Variants in PHKB observed in about 807,000 individuals in gnomAD.
The protein encoded by PHKB is phosphorylase kinase regulatory subunit beta, also known as phosphorylase b kinase regulatory subunit beta.
Under a neutral mutation model 152.1 loss-of-function variants are expected in PHKB, and 122 were observed. The ratio of observed to expected loss-of-function variants is 0.80; its 90% confidence interval spans 0.69 to 0.93. The LOEUF (loss-of-function observed/expected upper bound fraction) is 0.93, where lower values mean the gene tolerates loss of function less well. Among genes scored for constraint, PHKB ranks in the 40% least tolerant of loss-of-function variants. The probability of loss-of-function intolerance (pLI) is 0.00; values close to 1 mark genes in which losing one functional copy is unlikely to be tolerated. For missense variants in PHKB, 1,304 were observed against 1,328.4 expected (o/e 0.98, Z 0.29); for synonymous variants, 436 against 464.9 (o/e 0.94, Z 0.80).
rs142123515 is a variant in PHKB, at chr16:47,684,540, G to A, written c.2631-4501G>A. On this transcript the variant is annotated intron_variant, in intron 26 of 30. Coordinates refer to ENST00000323584, the MANE Select transcript of PHKB (RefSeq NM_000293.3). ...CCAGCACTCTGGGAGGCCAAGGTAG[G>A]CGGATCACGAGGTCAGGAAATCAAG... Among the ~76,000 whole-genome samples, 73 of 152,268 alleles carry A rather than the reference G, an allele frequency of 4.8e-4. 1 individual carries two copies. The highest frequency in any genetic ancestry group is 1.5e-3 in the African/African-American group (64 of 41,560).
intron 6 of PHKB, among the ~76,000 whole-genome samples, chr16:47,542,691 A>G (rs905393686): frequency 2.0e-5 from 3 of 152,074 alleles, no homozygotes; most frequent in Admixed American, 6.5e-5. Flanking sequence ...AGTGGTTTGT[A>G]GTTTTCCTTA....
Position 47,641,102 on chromosome 16 carries a change from A to T in PHKB, c.1514+12A>T, listed in dbSNP as rs373744057. The T allele has an allele frequency of 3.1e-6, 5 of 1,612,172 alleles. No individual in the cohort carries two copies. Among genetic ancestry groups the T allele is most frequent in the Non-Finnish European group, 3.4e-6 (4 of 1,178,350 alleles). On this transcript the variant is annotated intron_variant, in intron 15 of 30. Transcript: ENST00000323584. Reference sequence around the variant, plus strand: ...GCAGAAAGCCAAAGGTATGAAATCCAAGTGGGTGGTGTGTTTTTTTGTGGG... The same window carrying T: ...GCAGAAAGCCAAAGGTATGAAATCCTAGTGGGTGGTGTGTTTTTTTGTGGG...
At chr16:47,525,677 G>A (rs535306173) in intron 6 of PHKB, among the ~76,000 whole-genome samples, 12 of 152,030 alleles carry the variant, frequency 7.9e-5, no homozygotes, top group Non-Finnish European at 1.5e-4. Context: ...CGAAAACAAC[G>A]CAATGATGAA....
intron 29 of PHKB, 30 bp from the exon 30 acceptor site, chr16:47,698,418 T>C (rs771917921): frequency 1.3e-6 from 2 of 1,557,660 alleles, no homozygotes; most frequent in Non-Finnish European, 1.8e-6. Context: ...ATGGTTCATA[T>C]AGTTGGCTTT....
In PHKB at chr16:47,463,783, C is replaced by G. The variant is rs961696616; in HGVS notation, c.76+2357C>G. 8.8e-6 allele frequency: 6 copies of G among 681,348 alleles called. No individual in the cohort carries two copies. The African/African-American group carries it at 9.0e-5, about 10-fold the overall frequency. 42.2% of individuals were successfully genotyped at this position (681,348 alleles called of 1,614,324 possible). A position where few individuals can be genotyped will look rare whatever the true frequency, so the allele number is the denominator to read the frequency against. On this transcript the variant is annotated intron_variant, in intron 1 of 30. Transcript: ENST00000323584. The stretch of plus-strand genomic sequence containing the variant: ...AAGAGAAAATAAAATTATAATGATC[C>G]TCAGTTACTGCCTTTGTTGCATACT...
chr16:47,693,494 A>T lies in PHKB; in HGVS notation c.2882A>T (p.Lys961Met), dbSNP rs371541668. 152 of 1,613,962 alleles carry T rather than the reference A, an allele frequency of 9.4e-5. No homozygotes were observed. Among genetic ancestry groups the T allele is most frequent in the South Asian group, 2.9e-4 (26 of 91,088 alleles). ...RTPNGIIVAG[K>M]HLPQQPTLSD... is the part of the protein sequence containing the mutation. ...CCCAATGGGATCATTGTTGCTGGGAAGCATTTGCCTCAGGTAAAGCCCCAC... is the reference window on the plus strand; with the variant it reads ...CCCAATGGGATCATTGTTGCTGGGATGCATTTGCCTCAGGTAAAGCCCCAC... The change falls in exon 28 of 31, where the codon AAG (lysine) becomes ATG (methionine). Residue 961 changes from lysine to methionine, a missense_variant. Physicochemically the swap from Lys to Met is moderately conservative, Grantham distance 95. Coordinates refer to ENST00000323584, the MANE Select transcript of PHKB (RefSeq NM_000293.3).
intron 7 of PHKB, 68 bp downstream of exon 7, chr16:47,547,616 T>C: frequency 2.2e-6 from 2 of 898,208 alleles, no homozygotes; most frequent in Non-Finnish European, 1.8e-6. Context: ...GAAGAAATAC[T>C]GAAGCATTAG....
intron 27 of PHKB, 90 bp downstream of exon 27, chr16:47,689,265 A>T: frequency 7.6e-7 from 1 of 1,321,136 alleles, no homozygotes; most frequent in Non-Finnish European, 1.1e-6. Flanking sequence ...AATTGATAAG[A>T]TATTAATAAG....
At chr16:47,689,356 A>G (rs975933933) in intron 27 of PHKB, among the ~76,000 whole-genome samples, 181 bp downstream of exon 27, 1 of 152,204 alleles carries the variant, frequency 6.6e-6, no homozygotes, top group Non-Finnish European at 1.5e-5. Flanking sequence ...TCTGTCTTCA[A>G]TTATTATTTT....
chr16:47,632,418 G>A (rs149697583), intron 14 of PHKB, among the ~76,000 whole-genome samples: 2 of 152,306 alleles, frequency 1.3e-5, no homozygotes, highest in African/African-American at 4.8e-5. Flanking sequence ...CGTGTTCTAT[G>A]TGTTAATATA....
At chr16:47,470,416 C>A (rs1238662564) in intron 1 of PHKB, among the ~76,000 whole-genome samples, 1 of 152,226 alleles carries the variant, frequency 6.6e-6, no homozygotes, top group Non-Finnish European at 1.5e-5. Flanking sequence ...CGGTTTTAGG[C>A]CCTGGGCGGG....
chr16:47,586,637 G>A (rs2054517189), intron 8 of PHKB, among the ~76,000 whole-genome samples: 1 of 152,094 alleles, frequency 6.6e-6, no homozygotes, highest in African/African-American at 2.4e-5. Flanking sequence ...AGATATTTTT[G>A]TTTCAGTTTG....
At chr16:47,623,466 T>C (rs1226927706) in intron 14 of PHKB, among the ~76,000 whole-genome samples, 1 of 151,342 alleles carries the variant, frequency 6.6e-6, no homozygotes, top group East Asian at 1.9e-4. Context: ...AAGCCATTGT[T>C]TTAATGGCTT....
intron 6 of PHKB, among the ~76,000 whole-genome samples, chr16:47,523,281 G>A (rs1416223453): frequency 6.6e-6 from 1 of 152,166 alleles, no homozygotes; most frequent in Admixed American, 6.5e-5. Flanking sequence ...ACTTCAAAGT[G>A]TGGTGGTGTT....
Position 47,693,652 on chromosome 16 carries a change from A to T in PHKB, c.2895+145A>T. The T allele has an allele frequency of 3.2e-6, 3 of 940,912 alleles. No homozygotes were observed. In the Admixed American group the frequency reaches 6.9e-5, roughly 22 times the overall value. The allele number at this position is 940,912 out of a possible 1,614,324, so 58.3% of individuals were successfully genotyped here. ...GGAATGAAATACTAGAAAATAAGAC[A>T]TCTAATCAATTGGATTGAAAATTTT... On this transcript the variant is annotated intron_variant, in intron 28 of 30. Transcript: ENST00000323584.
At chr16:47,626,204 G>A (rs780697100) in intron 14 of PHKB, among the ~76,000 whole-genome samples, 2 of 152,200 alleles carry the variant, frequency 1.3e-5, no homozygotes, top group Non-Finnish European at 2.9e-5. Flanking sequence ...CTCCTCTGCA[G>A]TTGGGTCCCC....
At chr16:47,572,934 T>A (rs1184319697) in intron 7 of PHKB, among the ~76,000 whole-genome samples, 1 of 152,176 alleles carries the variant, frequency 6.6e-6, no homozygotes, top group Non-Finnish European at 1.5e-5. Flanking sequence ...TAGGGACTTG[T>A]TGAGGCCATT....
intron 14 of PHKB, among the ~76,000 whole-genome samples, chr16:47,613,130 C>T (rs531029544): frequency 6.6e-6 from 1 of 152,264 alleles, no homozygotes; most frequent in African/African-American, 2.4e-5. Context: ...TCAGGGATCC[C>T]ATGACTGCCC....
chr16:47,650,401 C>G, intron 18 of PHKB, 143 bp from the exon 19 acceptor site: 1 of 684,462 alleles, frequency 1.5e-6, no homozygotes, highest in Non-Finnish European at 2.7e-6. Context: ...TACTTCTACC[C>G]CTAAGTAGTC....
Sources: allele counts gnomAD v4.1 joint callset (sites outside exome capture counted in the v4.1 genomes callset), GRCh38; gene constraint gnomAD v4.1.1; transcripts MANE v1.5; gene names NCBI Gene and HGNC (gene_info 2026-07-23, HGNC 2026-07-21).